The following THSD7B variants were observed in gnomAD, a reference collection of about 807,000 sequenced individuals.
The protein encoded by THSD7B is thrombospondin type 1 domain containing 7B, also known as thrombospondin type-1 domain-containing protein 7B.
In THSD7B, 138 loss-of-function variants were observed where a neutral mutation model predicts 213.6. That is an observed-to-expected ratio of 0.65 (90% confidence interval 0.56 to 0.74). The LOEUF is 0.74. Among genes scored for constraint, THSD7B ranks in the 30% least tolerant of loss-of-function variants. The pLI is 0.00. For synonymous variants in THSD7B, 742 were observed against 687.0 expected (o/e 1.08, Z -1.25); for missense variants, 1,931 against 1,991.5 (o/e 0.97, Z 0.58).
chr2:137,645,325 G>A (rs918409323), intron 21 of THSD7B, among the ~76,000 whole-genome samples: 2 of 152,166 alleles, frequency 1.3e-5, no homozygotes, highest in Non-Finnish European at 2.9e-5. Flanking sequence ...CCAATTCATT[G>A]TATACAAAAC....
chr2:137,270,475 G>T (rs2104803864), intron 10 of THSD7B, among the ~76,000 whole-genome samples: 1 of 152,266 alleles, frequency 6.6e-6, no homozygotes, highest in African/African-American at 2.4e-5. Flanking sequence ...TGATAGGAAA[G>T]GAATTTTAAA....
intron 14 of THSD7B, among the ~76,000 whole-genome samples, chr2:137,436,502 G>C (rs145003245): frequency 5.2e-4 from 79 of 152,230 alleles, no homozygotes; most frequent in African/African-American, 1.9e-3. Context: ...TCCTGCTGCT[G>C]TTTGTAGATT....
intron 3 of THSD7B, among the ~76,000 whole-genome samples, chr2:137,064,561 C>G (rs968725975): frequency 6.6e-6 from 1 of 151,842 alleles, no homozygotes; most frequent in Non-Finnish European, 1.5e-5. Context: ...TTTTATTATT[C>G]AAGAATCTTT....
intron 10 of THSD7B, 79 bp from the exon 11 acceptor site, chr2:137,272,454 T>G: frequency 2.1e-6 from 3 of 1,419,476 alleles, no homozygotes; most frequent in Non-Finnish European, 2.8e-6. Context: ...TCTCTCTCTT[T>G]TTTTTCAATT....
intron 2 of THSD7B, among the ~76,000 whole-genome samples, chr2:136,883,602 C>A (rs968176121): frequency 6.6e-6 from 1 of 151,800 alleles, no homozygotes; most frequent in Admixed American, 6.6e-5. Flanking sequence ...TGACTACTGT[C>A]GAAAGTTTTA....
At chr2:137,561,315 A>G (rs367971782) in intron 15 of THSD7B, among the ~76,000 whole-genome samples, 4 of 152,184 alleles carry the variant, frequency 2.6e-5, no homozygotes, top group African/African-American at 7.2e-5. Flanking sequence ...GGGGCTTTAT[A>G]TGGGAGGGAA....
At chr2:137,586,849 G>A (rs564266397) in intron 17 of THSD7B, among the ~76,000 whole-genome samples, 25 of 152,198 alleles carry the variant, frequency 1.6e-4, no homozygotes, top group South Asian at 1.2e-3. Flanking sequence ...TCTTTGTGGC[G>A]TTCTCTGTAT....
intron 2 of THSD7B, among the ~76,000 whole-genome samples, chr2:137,052,556 T>C (rs1687087978): frequency 6.6e-6 from 1 of 152,146 alleles, no homozygotes; most frequent in South Asian, 2.1e-4. Context: ...ATATATATTT[T>C]GTAATAAAAG....
intron 12 of THSD7B, among the ~76,000 whole-genome samples, chr2:137,278,725 T>C (rs1200692184): frequency 6.6e-6 from 1 of 152,098 alleles, no homozygotes; most frequent in East Asian, 1.9e-4. Context: ...GAGGGATGTC[T>C]TAACATTAAC....
chr2:137,259,200 C>T (rs1682382731), intron 10 of THSD7B, among the ~76,000 whole-genome samples: 1 of 152,102 alleles, frequency 6.6e-6, no homozygotes, highest in Non-Finnish European at 1.5e-5. Flanking sequence ...GGTATATACC[C>T]AGTGATGGGG....
intron 2 of THSD7B, among the ~76,000 whole-genome samples, chr2:137,035,243 A>G (rs1277274313): frequency 2.6e-5 from 4 of 152,208 alleles, no homozygotes; most frequent in Non-Finnish European, 1.5e-5. Flanking sequence ...CCATTTAACC[A>G]TACCCATCTC....
chr2:136,961,380 C>T (rs527366265), intron 2 of THSD7B, among the ~76,000 whole-genome samples: 32 of 151,600 alleles, frequency 2.1e-4, no homozygotes, highest in African/African-American at 7.5e-4. Context: ...CCACCATGCC[C>T]GGCTAATTTT....
intron 7 of THSD7B, 40 bp from the exon 8 acceptor site, chr2:137,231,004 G>A: frequency 6.3e-7 from 1 of 1,586,064 alleles, no homozygotes; most frequent in Non-Finnish European, 8.6e-7. Context: ...AGGCTTGATT[G>A]TGCATTAATC....
chr2:137,185,619 G>A (rs570311311), intron 7 of THSD7B, among the ~76,000 whole-genome samples: 80 of 152,094 alleles, frequency 5.3e-4, no homozygotes, highest in African/African-American at 1.8e-3. Context: ...TATACATACC[G>A]CATTTTTTAA....
chr2:137,676,230 G>C (rs2104835696), intron 27 of THSD7B, among the ~76,000 whole-genome samples: 1 of 152,262 alleles, frequency 6.6e-6, no homozygotes, highest in Middle Eastern at 3.4e-3. Flanking sequence ...AAAAATTAGT[G>C]AGAAAAGACG....
chr2:136,869,903 C>T (rs1237104019), intron 1 of THSD7B, among the ~76,000 whole-genome samples: 4 of 152,084 alleles, frequency 2.6e-5, no homozygotes, highest in Admixed American at 2.6e-4. Flanking sequence ...GAAACTCCAT[C>T]TATACTAAAA....
chr2:137,400,371 G>A (rs1285451792), intron 12 of THSD7B, among the ~76,000 whole-genome samples: 1 of 151,824 alleles, frequency 6.6e-6, no homozygotes, highest in Admixed American at 6.6e-5. Flanking sequence ...CTTCTTATTT[G>A]TGAATTTACT....
chr2:137,024,063 A>G (rs1181216426), intron 2 of THSD7B, among the ~76,000 whole-genome samples: 1 of 152,164 alleles, frequency 6.6e-6, no homozygotes, highest in Admixed American at 6.6e-5. Flanking sequence ...CTTTGAAATG[A>G]CATCCATTTG....
At chr2:137,119,987 G>A (rs1415847321) in intron 5 of THSD7B, among the ~76,000 whole-genome samples, 1 of 152,090 alleles carries the variant, frequency 6.6e-6, no homozygotes, top group Admixed American at 6.6e-5. Context: ...AAGTCATTTG[G>A]GTGTGAGAAT....
Sources: allele counts gnomAD v4.1 joint callset (sites outside exome capture counted in the v4.1 genomes callset), GRCh38; gene constraint gnomAD v4.1.1; transcripts MANE v1.5; gene names NCBI Gene and HGNC (gene_info 2026-07-23, HGNC 2026-07-21).